VPS37A: variants seen among roughly 807,000 people sequenced by gnomAD.
The protein encoded by VPS37A is VPS37A subunit of ESCRT-I, also known as vacuolar protein sorting-associated protein 37A.
In VPS37A, 30 loss-of-function variants were observed where a neutral mutation model predicts 49.8. The ratio of observed to expected loss-of-function variants is 0.60; its 90% CI spans 0.45 to 0.82. The LOEUF (loss-of-function observed/expected upper bound fraction) is 0.82, where lower values mean the gene tolerates loss of function less well. Among genes scored for constraint, VPS37A ranks in the 40% least tolerant of loss-of-function variants. The pLI, the probability that VPS37A is intolerant of heterozygous loss-of-function variation, is 0.00. For synonymous variants in VPS37A, 195 were observed against 160.6 expected (o/e 1.21, Z -1.62); for missense variants, 593 against 464.4 (o/e 1.28, Z -2.55).
At chr8:17,286,283 G>T in intron 10 of VPS37A, 64 bp from the exon 11 acceptor site, 2 of 1,312,878 alleles carry the variant, frequency 1.5e-6, no homozygotes, top group Non-Finnish European at 1.1e-6. Flanking sequence ...TCATACTGTT[G>T]GAAGTAAAGT....
intron 1 of VPS37A, among the ~76,000 whole-genome samples, chr8:17,256,956 C>T (rs1182618409): frequency 6.6e-6 from 1 of 152,136 alleles, no homozygotes; most frequent in Non-Finnish European, 1.5e-5. Context: ...TCTGTTTCTG[C>T]TTTAGATGCC....
chr8:17,306,478 G>T (rs1444279973), downstream of VPS37A, among the ~76,000 whole-genome samples: 3 of 151,886 alleles, frequency 2.0e-5, no homozygotes, highest in African/African-American at 7.3e-5. Context: ...ATTTCCATGT[G>T]ACGACAGATT....
intron 1 of VPS37A, among the ~76,000 whole-genome samples, chr8:17,252,771 G>C (rs2150347212): frequency 6.6e-6 from 1 of 152,202 alleles, no homozygotes; most frequent in Non-Finnish European, 1.5e-5. Flanking sequence ...TTATTTGATA[G>C]GAAAACTTCT....
chr8:17,258,945 G>T (rs1008928308), intron 1 of VPS37A, among the ~76,000 whole-genome samples: 1 of 151,994 alleles, frequency 6.6e-6, no homozygotes, highest in African/African-American at 2.4e-5. Flanking sequence ...TGTGGTCTCA[G>T]TTGTCACATC....
At chr8:17,258,580 G>C (rs1186703462) in intron 1 of VPS37A, among the ~76,000 whole-genome samples, 1 of 152,100 alleles carries the variant, frequency 6.6e-6, no homozygotes, top group Non-Finnish European at 1.5e-5. Context: ...ATGTTAATCT[G>C]TAATATTGGC....
chr8:17,313,323 G>T, the VPS37A span: 3 of 1,612,864 alleles, frequency 1.9e-6, no homozygotes, highest in Non-Finnish European at 2.5e-6. Context: ...ATCCATTATG[G>T]CTTTAATGTG....
Position 17,295,164 on chromosome 8 carries a change from TGAGA to T in VPS37A, c.*179_*182del, listed in dbSNP as rs1390081762. 1 of 152,680 alleles carries T rather than the reference TGAGA, an allele frequency of 6.5e-6. No homozygotes were observed. The highest frequency in any genetic ancestry group is 1.9e-4 in the East Asian group (1 of 5,204). The allele number at this position is 152,680 out of a possible 1,614,324, so 9.5% of individuals were successfully genotyped here. ...CGATTAGAATGATTGCTATGATCTT[TGAGA>T]AATTTTTCTGCACTATTTGCACTGA... On this transcript the variant is annotated 3_prime_UTR_variant, in exon 12 of 12. Transcript: ENST00000324849.
chr8:17,298,238 T>C (rs1259685639), downstream of VPS37A: 4 of 152,066 alleles, frequency 2.6e-5, no homozygotes, highest in Non-Finnish European at 5.9e-5. Flanking sequence ...TATTCCCTAT[T>C]ACATATAGTA....
downstream of VPS37A, among the ~76,000 whole-genome samples, chr8:17,303,657 T>G (rs890736334): frequency 1.3e-5 from 2 of 151,522 alleles, no homozygotes; most frequent in Non-Finnish European, 2.9e-5. Context: ...TTGCCCAGGC[T>G]GGAGTGCAAT....
chr8:17,265,581 A>C (rs1198829374), intron 1 of VPS37A, among the ~76,000 whole-genome samples: 1 of 152,196 alleles, frequency 6.6e-6, no homozygotes, highest in African/African-American at 2.4e-5. Context: ...ATCTGTATTA[A>C]CCGGAGAGCA....
At chr8:17,249,465 TTTAAG>T (rs1285085860) in intron 1 of VPS37A, among the ~76,000 whole-genome samples, 1 of 152,206 alleles carries the variant, frequency 6.6e-6, no homozygotes, top group Non-Finnish European at 1.5e-5. Context: ...ATTTTATTGT[TTTAAG>T]TTCTTTTATA....
At chr8:17,313,447 C>A in the VPS37A span, 2 of 1,212,202 alleles carry the variant, frequency 1.6e-6, no homozygotes, top group African/African-American at 1.5e-5. Flanking sequence ...GGTACTCTCT[C>A]ATTTTACATA....
At chr8:17,277,888 A>ACACT (rs1814672412) in intron 6 of VPS37A, among the ~76,000 whole-genome samples, 1 of 151,626 alleles carries the variant, frequency 6.6e-6, no homozygotes, top group Non-Finnish European at 1.5e-5. Context: ...ACACACACAC[A>ACACT]CACACACACA....
chr8:17,322,406 A>G, the VPS37A span, among the ~76,000 whole-genome samples: 1 of 152,228 alleles, frequency 6.6e-6, no homozygotes, highest in Non-Finnish European at 1.5e-5. Flanking sequence ...TATGAATGTG[A>G]ATTTTTGTGT....
downstream of VPS37A, among the ~76,000 whole-genome samples, chr8:17,306,609 G>C (rs1241145732): frequency 6.6e-6 from 1 of 152,084 alleles, no homozygotes. Flanking sequence ...ACTACTGTGT[G>C]AGTTTTACAG....
At chr8:17,284,353 A>T (rs1586049776) in intron 9 of VPS37A, 120 bp from the exon 10 acceptor site, 3 of 1,190,962 alleles carry the variant, frequency 2.5e-6, no homozygotes, top group Non-Finnish European at 3.4e-6. Context: ...ATTTTCTCAA[A>T]AAGAGGCTAT....
At chr8:17,277,095 CT>C (rs894568992) in intron 6 of VPS37A, among the ~76,000 whole-genome samples, 1 of 152,004 alleles carries the variant, frequency 6.6e-6, no homozygotes, top group African/African-American at 2.4e-5. Flanking sequence ...TGCAGTTAGA[CT>C]TTTTCTTTAT....
rs1812943634 is a variant in VPS37A, at chr8:17,261,342, T to C, written c.126-4565T>C. On this transcript the variant is annotated intron_variant, in intron 1 of 11. Coordinates refer to ENST00000324849, the MANE Select transcript of VPS37A (RefSeq NM_152415.3). ...TTGTTTATTATTACTTAAATCTCTTTGTTAAATTTCTCTGATAAATTTCTG... is the reference window on the plus strand; with the variant it reads ...TTGTTTATTATTACTTAAATCTCTTCGTTAAATTTCTCTGATAAATTTCTG... Among the ~76,000 whole-genome samples the C allele has an allele frequency of 3.3e-5, 5 of 152,214 alleles. No individual in the cohort carries two copies. In the South Asian group the frequency reaches 1.0e-3, roughly 31 times the overall value.
intron 10 of VPS37A, 98 bp downstream of exon 10, chr8:17,284,714 A>T: frequency 7.4e-7 from 1 of 1,350,420 alleles, no homozygotes; most frequent in Non-Finnish European, 1.0e-6. Flanking sequence ...CTCTATTATG[A>T]TATCATCCCC....
Sources: allele counts gnomAD v4.1 joint callset (sites outside exome capture counted in the v4.1 genomes callset), GRCh38; gene constraint gnomAD v4.1.1; transcripts MANE v1.5; gene names NCBI Gene and HGNC (gene_info 2026-07-23, HGNC 2026-07-21).